The following SCAMP1 variants were observed in gnomAD, a reference collection of about 807,000 sequenced individuals.
SCAMP1 encodes the protein secretory carrier-associated membrane protein 1.
A neutral mutation model predicts 41.8 loss-of-function variants in SCAMP1; 15 were observed. That is an observed-to-expected ratio of 0.36 (90% CI 0.24 to 0.55). The LOEUF (loss-of-function observed/expected upper bound fraction) is 0.55, where lower values mean the gene tolerates loss of function less well. SCAMP1 is among the 20% of genes least tolerant of loss of function. The pLI, the probability that SCAMP1 is intolerant of heterozygous loss-of-function variation, is 0.86. For missense variants in SCAMP1, 341 were observed against 412.6 expected, an observed-to-expected ratio of 0.83 and a Z score of 1.50; for synonymous variants, 135 against 136.8, an observed-to-expected ratio of 0.99 and a Z score of 0.09.
At chr5:78,458,213 A>G (rs996971002) in intron 7 of SCAMP1, among the ~76,000 whole-genome samples, 4 of 151,914 alleles carry the variant, frequency 2.6e-5, no homozygotes, top group Admixed American at 6.6e-5. Flanking sequence ...TCCTCTCCGC[A>G]TGTTTAGTTT....
chr5:78,391,386 G>A lies in SCAMP1; in HGVS notation c.135+2472G>A, dbSNP rs1225326515. Among the ~76,000 whole-genome samples, 445 of 151,182 alleles carry A rather than the reference G, an allele frequency of 2.9e-3. 4 individuals carry two copies. The highest frequency in any genetic ancestry group is 0.01 in the African/African-American group (431 of 41,102). On this transcript the variant is annotated intron_variant, in intron 2 of 8. Coordinates refer to ENST00000621999, the MANE Select transcript of SCAMP1 (RefSeq NM_004866.6). The stretch of plus-strand genomic sequence containing the variant: ...CAGAGGCGCCCCTCACCTCCCGGAC[G>A]GGGCGGCTGGCCTGGCGGGGGGCTG...
intron 1 of SCAMP1, among the ~76,000 whole-genome samples, chr5:78,387,094 T>C (rs959876798): frequency 1.1e-4 from 17 of 152,218 alleles, no homozygotes; most frequent in African/African-American, 4.1e-4. Flanking sequence ...ACAATTATTC[T>C]TAGGTTTGGT....
chr5:78,440,119 A>G (rs1752880553), intron 6 of SCAMP1, among the ~76,000 whole-genome samples: 2 of 151,892 alleles, frequency 1.3e-5, no homozygotes, highest in South Asian at 4.1e-4. Context: ...ATCCTTTTTC[A>G]AGGTTTTTAG....
At chr5:78,384,129 C>T (rs1257928287) in intron 1 of SCAMP1, among the ~76,000 whole-genome samples, 1 of 146,436 alleles carries the variant, frequency 6.8e-6, no homozygotes, top group Non-Finnish European at 1.5e-5. Context: ...TGTACTTTTC[C>T]TTGTAGAGGT....
chr5:78,363,811 CA>C (rs1186820099), intron 1 of SCAMP1, among the ~76,000 whole-genome samples: 1 of 152,006 alleles, frequency 6.6e-6, no homozygotes, highest in Non-Finnish European at 1.5e-5. Flanking sequence ...GGATTCAGTT[CA>C]TTTTTTTTTG....
In SCAMP1 at chr5:78,390,669, T is replaced by C. The variant is rs185218949; in HGVS notation, c.135+1755T>C. ...GAGATTTTTTTTTCTTTTTTTTTTTTTTATTGATCATTCTTGGGTGTTTCT... is the reference window on the plus strand; with the variant it reads ...GAGATTTTTTTTTCTTTTTTTTTTTCTTATTGATCATTCTTGGGTGTTTCT... On this transcript the variant is annotated intron_variant, in intron 2 of 8. Transcript: ENST00000621999. Among the ~76,000 whole-genome samples, 17 of 151,706 alleles carry C rather than the reference T, an allele frequency of 1.1e-4. No homozygotes were observed. In the East Asian group the frequency reaches 1.9e-3, roughly 17 times the overall value.
chr5:78,468,042 G>C (rs937299214), intron 8 of SCAMP1, among the ~76,000 whole-genome samples: 1 of 152,098 alleles, frequency 6.6e-6, no homozygotes, highest in Admixed American at 6.6e-5. Flanking sequence ...CTTCTCTTAA[G>C]GTAAATGTGC....
At chr5:78,469,909 AAAACAAAAAAAAAAAAAAAAAAACAAC>A (rs1367175397) in intron 8 of SCAMP1, among the ~76,000 whole-genome samples, 5,089 of 59,026 alleles carry the variant, frequency 0.086, 261 homozygotes, top group East Asian at 0.41. Flanking sequence ...AAAAAAAAAA[AAAACAAAAAAAAAAAAAAAAAAACAAC>A]AACACAGCCC....
rs558597456 is a variant in SCAMP1 at position 78,472,374 on chromosome 5, G to A, written c.853-3130G>A. On this transcript the variant is annotated intron_variant, in intron 8 of 8. Transcript: ENST00000621999. ...ATCTACATTAGGTATTTCTCCTAAC[G>A]CTATGCCTCCCCTTGCCCCCCACCC... Among the ~76,000 whole-genome samples the A allele has an allele frequency of 2.0e-5, 3 of 151,962 alleles. No individual in the cohort carries two copies. The South Asian group carries it at 6.2e-4, about 32-fold the overall frequency.
intron 6 of SCAMP1, among the ~76,000 whole-genome samples, chr5:78,427,378 C>G (rs1014750414): frequency 6.6e-6 from 1 of 152,080 alleles, no homozygotes; most frequent in Admixed American, 6.5e-5. Flanking sequence ...GAGTGATACC[C>G]TCATAACACA....
chr5:78,426,040 A>G (rs1752462144), intron 6 of SCAMP1, among the ~76,000 whole-genome samples: 1 of 149,612 alleles, frequency 6.7e-6, no homozygotes. Flanking sequence ...TGAGAACATG[A>G]GGTGTTTGGT....
intron 8 of SCAMP1, among the ~76,000 whole-genome samples, chr5:78,462,073 C>G (rs1753630530): frequency 6.6e-6 from 1 of 152,074 alleles, no homozygotes; most frequent in Non-Finnish European, 1.5e-5. Context: ...TTCTTCTAAT[C>G]CATGAATGTG....
chr5:78,450,084 T>A, intron 7 of SCAMP1, 50 bp downstream of exon 7: 1 of 1,063,566 alleles, frequency 9.4e-7, no homozygotes, highest in Non-Finnish European at 1.4e-6. Flanking sequence ...TATTGTAATA[T>A]AATTTTTGGC....
chr5:78,419,012 A>T, intron 5 of SCAMP1, 109 bp downstream of exon 5: 1 of 857,740 alleles, frequency 1.2e-6, no homozygotes, highest in Non-Finnish European at 1.8e-6. Flanking sequence ...TTTTCTATAG[A>T]TAAAGCTTAA....
At chr5:78,435,532 A>G (rs1752728787) in intron 6 of SCAMP1, among the ~76,000 whole-genome samples, 1 of 152,192 alleles carries the variant, frequency 6.6e-6, no homozygotes, top group Non-Finnish European at 1.5e-5. Flanking sequence ...AGCTTCATCC[A>G]TGTCCCCGCA....
chr5:78,422,652 T>TA (rs140526994), intron 6 of SCAMP1, among the ~76,000 whole-genome samples: 4,310 of 152,234 alleles, frequency 0.028, 214 homozygotes, highest in African/African-American at 0.097. Flanking sequence ...CAGGATTTCT[T>TA]ACACTCTTTA....
At chr5:78,458,959 A>G (rs1452733112) in intron 7 of SCAMP1, among the ~76,000 whole-genome samples, 1 of 152,262 alleles carries the variant, frequency 6.6e-6, no homozygotes, top group Non-Finnish European at 1.5e-5. Flanking sequence ...CTGGAATTAA[A>G]CACTTGAGAC....
intron 2 of SCAMP1, among the ~76,000 whole-genome samples, chr5:78,403,753 G>A (rs538894408): frequency 6.6e-6 from 1 of 151,862 alleles, no homozygotes; most frequent in Non-Finnish European, 1.5e-5. Flanking sequence ...ATCACTTGAG[G>A]TCAGGAGTTT....
In SCAMP1 at chr5:78,426,702, G is replaced by T. The variant is rs187535590; in HGVS notation, c.632+4742G>T. Reference sequence around the variant, plus strand: ...TTCCATCCTTCCCAAAATTTCCCTGGATTCATTTGCACACAATTCTCATTC... The same window carrying T: ...TTCCATCCTTCCCAAAATTTCCCTGTATTCATTTGCACACAATTCTCATTC... On this transcript the variant is annotated intron_variant, in intron 6 of 8. Transcript: ENST00000621999. 9.6e-4 allele frequency among the ~76,000 whole-genome samples: 146 copies of T among 152,200 alleles called. 3 individuals carry two copies. The highest frequency in any genetic ancestry group is 8.8e-3 in the Admixed American group (135 of 15,284).
Sources: allele counts gnomAD v4.1 joint callset (sites outside exome capture counted in the v4.1 genomes callset), GRCh38; gene constraint gnomAD v4.1.1; transcripts MANE v1.5; gene names NCBI Gene and HGNC (gene_info 2026-07-23, HGNC 2026-07-21).